SERPINB2: variants seen among roughly 807,000 people sequenced by gnomAD.
The protein encoded by SERPINB2 is serpin family B member 2.
A neutral mutation model predicts 39.4 loss-of-function variants in SERPINB2; 28 were observed. The observed-to-expected ratio is 0.71, with a 90% CI of 0.53 to 0.97. The LOEUF (loss-of-function observed/expected upper bound fraction) is 0.97. Ranked by LOEUF, SERPINB2 falls within the 50% of genes least tolerant of loss-of-function variation. SERPINB2 has a pLI of 0.00. For missense variants in SERPINB2, 557 were observed against 505.3 expected, an observed-to-expected ratio of 1.10 and a Z score of -0.98; for synonymous variants, 209 against 175.1, an observed-to-expected ratio of 1.19 and a Z score of -1.53.
chr18:63,895,740 C>A (rs937105971), intron 3 of SERPINB2, among the ~76,000 whole-genome samples: 3 of 152,128 alleles, frequency 2.0e-5, no homozygotes, highest in South Asian at 2.1e-4. Context: ...TAGGGACTGA[C>A]AATTGATTGA....
intron 5 of SERPINB2, among the ~76,000 whole-genome samples, chr18:63,898,530 C>A (rs1318180233): frequency 6.6e-6 from 1 of 152,062 alleles, no homozygotes; most frequent in Non-Finnish European, 1.5e-5. Context: ...TTCACTTAGT[C>A]AACAAATATT....
At chr18:63,898,978 G>C (rs1428121389) in intron 5 of SERPINB2, among the ~76,000 whole-genome samples, 2 of 152,130 alleles carry the variant, frequency 1.3e-5, no homozygotes, top group African/African-American at 4.8e-5. Context: ...ACCTCCTACT[G>C]TCCTCAGGAG....
intron 2 of SERPINB2, among the ~76,000 whole-genome samples, chr18:63,894,381 A>G (rs2144698826): frequency 6.6e-6 from 1 of 152,272 alleles, no homozygotes; most frequent in East Asian, 1.9e-4. Context: ...TAGCCCAGAA[A>G]TTCACCAACT....
At chr18:63,902,643 C>T in intron 7 of SERPINB2, 75 bp downstream of exon 7, 1 of 1,350,662 alleles carries the variant, frequency 7.4e-7, no homozygotes, top group Non-Finnish European at 1.0e-6. Context: ...ATACTCCTTA[C>T]AAATGGTGTG....
chr18:63,887,900 G>C (rs890970879), intron 1 of SERPINB2, 130 bp downstream of exon 1: 1 of 152,126 alleles, frequency 6.6e-6, no homozygotes, highest in Admixed American at 6.5e-5. Flanking sequence ...AATTTAAGTG[G>C]TGTTTTCTTG....
chr18:63,894,550 G>T (rs2049946758), intron 2 of SERPINB2, among the ~76,000 whole-genome samples: 2 of 152,162 alleles, frequency 1.3e-5, no homozygotes, highest in Non-Finnish European at 2.9e-5. Flanking sequence ...GGCAGGGCCA[G>T]CTTGCAGGTA....
Position 63,901,862 on chromosome 18 carries a change from T to C in SERPINB2, c.658T>C (p.Tyr220His). ...ATTTGAGAAGAAACTAAATGGGCTT[T>C]ATCCTTTCCGTGTAAACTCGGTATG... The part of the protein sequence containing the change: ...TPFEKKLNGL[Y>H]PFRVNSAQRT... Residue 220 changes from tyrosine (Y) to histidine (H), a missense_variant, in exon 6 of 8, where the codon TAT becomes CAT. Tyr to His is a moderately conservative substitution (Grantham distance 83). Transcript: ENST00000299502. 6.2e-7 allele frequency: 1 copy of C among 1,600,688 alleles called. No individual in the cohort carries two copies. The highest frequency in any genetic ancestry group is 2.3e-5 in the East Asian group (1 of 44,128).
chr18:63,891,647 G>T, intron 2 of SERPINB2, 35 bp downstream of exon 2: 1 of 1,594,394 alleles, frequency 6.3e-7, no homozygotes. Flanking sequence ...TTTGGGCCGA[G>T]TAGTTCCTGA....
At chr18:63,894,122 T>G (rs1451379896) in intron 2 of SERPINB2, among the ~76,000 whole-genome samples, 4 of 152,164 alleles carry the variant, frequency 2.6e-5, no homozygotes, top group Non-Finnish European at 5.9e-5. Context: ...AGTCCCACTT[T>G]TGCAGGGACA....
At position 63,903,191 on chromosome 18, in the gene SERPINB2, A is replaced by G. The variant is rs1166852194; in HGVS notation, c.1134A>G (p.Thr378=). Residue 378 remains threonine, a synonymous_variant, in exon 8 of 8, where the codon ACA becomes ACG. Transcript: ENST00000299502. ...EAAAGTGGVM[T]GRTGHGGPQF... ...CCGCTGGCACAGGAGGTGTTATGAC[A>G]GGGAGAACTGGACATGGAGGCCCAC... 1.2e-6 allele frequency: 2 copies of G among 1,613,494 alleles called. No homozygotes were observed. Among genetic ancestry groups the G allele is most frequent in the African/African-American group, 2.7e-5 (2 of 74,900 alleles).
Position 63,902,932 on chromosome 18 carries a change from A to G in SERPINB2, c.875A>G (p.Asn292Ser), listed in dbSNP as rs1186655138. 2.5e-6 allele frequency: 4 copies of G among 1,611,574 alleles called. No homozygotes were observed. Among genetic ancestry groups the G allele is most frequent in the African/African-American group, 1.3e-5 (1 of 74,838 alleles). Residue 292 changes from asparagine (N) to serine (S), a missense_variant, in exon 8 of 8, where the codon AAC becomes AGC. Coordinates refer to ENST00000299502, the MANE Select transcript of SERPINB2 (RefSeq NM_002575.3). ...LESEITYDKL[N>S]KWTSKDKMAE... is the part of the protein sequence containing the mutation. Reference sequence around the variant, plus strand: ...AGTGAAATAACCTATGACAAACTCAACAAGTGGACCAGCAAAGACAAAATG... The same window carrying G: ...AGTGAAATAACCTATGACAAACTCAGCAAGTGGACCAGCAAAGACAAAATG...
Position 63,895,403 on chromosome 18 carries a change from A to C in SERPINB2, c.288+20A>C. 1.2e-6 allele frequency: 2 copies of C among 1,613,862 alleles called. No homozygotes were observed. The highest frequency in any genetic ancestry group is 1.7e-6 in the Non-Finnish European group (2 of 1,179,890). On this transcript the variant is annotated intron_variant, in intron 3 of 7. Coordinates refer to ENST00000299502, the MANE Select transcript of SERPINB2 (RefSeq NM_002575.3). ...TTGCAGGTATCTGACTTACTGGTCCAAATTTCTTTTGTGGTTTATTTTTGC... is the reference window on the plus strand; with the variant it reads ...TTGCAGGTATCTGACTTACTGGTCCCAATTTCTTTTGTGGTTTATTTTTGC...
rs772307718 is a variant in SERPINB2, at chr18:63,897,094, C to T, written c.292C>T (p.Gln98Ter). 6.2e-7 allele frequency: 1 copy of T among 1,612,068 alleles called. No homozygotes were observed. Among genetic ancestry groups the T allele is most frequent in the Non-Finnish European group, 8.5e-7 (1 of 1,178,852 alleles). The change falls in exon 4 of 8, where the codon CAA becomes TAA. Residue 98 changes from glutamine to a stop codon, truncating the protein, a stop_gained. Coordinates refer to ENST00000299502, the MANE Select transcript of SERPINB2 (RefSeq NM_002575.3). LOFTEE classifies it high-confidence loss of function. ...GAATTCCTTCTTTCTTTTCAAGGCACAAGCTGCAGATAAAATCCATTCATC... is the reference window on the plus strand; with the variant it reads ...GAATTCCTTCTTTCTTTTCAAGGCATAAGCTGCAGATAAAATCCATTCATC... ...GSYPDAILQA[Q>*]AADKIHSSFR...
chr18:63,897,103 G>T lies in SERPINB2; in HGVS notation c.301G>T (p.Asp101Tyr), dbSNP rs1336453232. Residue 101 changes from aspartate to tyrosine, a missense_variant, in exon 4 of 8, where the codon GAT becomes TAT. By Grantham distance (160) the Asp-to-Tyr change is radical (BLOSUM62 -3). Transcript: ENST00000299502. ...PDAILQAQAA[D>Y]KIHSSFRSLS... ...CTTTCTTTTCAAGGCACAAGCTGCA[G>T]ATAAAATCCATTCATCCTTCCGCTC... 1.2e-6 allele frequency: 2 copies of T among 1,612,742 alleles called. No homozygotes were observed. Among genetic ancestry groups the T allele is most frequent in the Non-Finnish European group, 1.7e-6 (2 of 1,179,296 alleles).
At chr18:63,892,845 C>G (rs1302448086) in intron 2 of SERPINB2, 2 of 152,290 alleles carry the variant, frequency 1.3e-5, no homozygotes, top group East Asian at 3.9e-4. Context: ...ATTCTTTCCC[C>G]ATTATTTTTT....
rs138183373 is a variant in SERPINB2, at chr18:63,895,334, G to A, written c.239G>A (p.Gly80Glu). 839 of 1,614,046 alleles carry A rather than the reference G, an allele frequency of 5.2e-4. 2 individuals are homozygous for A. The highest frequency in any genetic ancestry group is 3.6e-4 in the Non-Finnish European group (421 of 1,179,980). ...PMTPENFTSC[G>E]FMQQIQKGSY... ...ACTCCAGAGAACTTTACCAGCTGTG[G>A]GTTCATGCAGCAGATCCAGAAGGGT... Residue 80 changes from glycine to glutamate, a missense_variant, in exon 3 of 8, where the codon GGG (glycine) becomes GAG (glutamate). Gly to Glu is a moderately conservative substitution (Grantham distance 98). Coordinates refer to ENST00000299502, the MANE Select transcript of SERPINB2 (RefSeq NM_002575.3).
rs770790200 is a variant in SERPINB2 at position 63,903,342 on chromosome 18, A to G, written c.*37A>G. 4.1e-6 allele frequency: 6 copies of G among 1,479,294 alleles called. No individual in the cohort carries two copies. The highest frequency in any genetic ancestry group is 1.5e-5 in the South Asian group (1 of 67,038). 91.6% of individuals were successfully genotyped at this position (1,479,294 alleles called of 1,614,324 possible). ...CTGCTTCTGCAAAAGATTTTTGTAG[A>G]TGAGCTGTGTGCCTCAGAATTGCTA... On this transcript the variant is annotated 3_prime_UTR_variant, in exon 8 of 8. Transcript: ENST00000299502.
At chr18:63,893,911 T>C (rs1437782621) in intron 2 of SERPINB2, among the ~76,000 whole-genome samples, 1 of 152,110 alleles carries the variant, frequency 6.6e-6, no homozygotes, top group Non-Finnish European at 1.5e-5. Flanking sequence ...GGCCACACAG[T>C]TGAGAATTGC....
At chr18:63,896,469 C>G (rs1046258663) in intron 3 of SERPINB2, among the ~76,000 whole-genome samples, 1 of 152,186 alleles carries the variant, frequency 6.6e-6, no homozygotes, top group Non-Finnish European at 1.5e-5. Context: ...CATTTCCTCC[C>G]TGCCAGCTTT....
Sources: gnomAD v4.1 joint callset for allele counts (sites outside exome capture counted in the v4.1 genomes callset) on GRCh38, gnomAD v4.1.1 for gene constraint, MANE v1.5 for transcripts, NCBI Gene and HGNC (gene_info 2026-07-23, HGNC 2026-07-21) for gene names.